The following UNC13C variants were observed in gnomAD, a reference collection of about 807,000 sequenced individuals.
The protein encoded by UNC13C is unc-13 homolog C.
In UNC13C, 174 loss-of-function variants were observed where a neutral mutation model predicts 245.4. The observed-to-expected ratio is 0.71, with a 90% confidence interval of 0.63 to 0.80. The LOEUF is 0.80. Ranked by LOEUF, UNC13C falls within the 30% of genes least tolerant of loss-of-function variation. UNC13C has a pLI of 0.00. For missense variants in UNC13C, 2,829 were observed against 2,602.9 expected (o/e 1.09, Z -1.89); for synonymous variants, 992 against 895.1 (o/e 1.11, Z -1.93).
At chr15:54,354,690 C>T (rs574520959) in intron 17 of UNC13C, among the ~76,000 whole-genome samples, 1 of 152,234 alleles carries the variant, frequency 6.6e-6, no homozygotes, top group South Asian at 2.1e-4. Flanking sequence ...GTTGTACAAA[C>T]CAAAGTAGTA....
At chr15:54,165,802 C>G (rs2033143563) in intron 4 of UNC13C, among the ~76,000 whole-genome samples, 1 of 151,812 alleles carries the variant, frequency 6.6e-6, no homozygotes, top group Non-Finnish European at 1.5e-5. Context: ...TTTTATAATT[C>G]TCTCTGCTTC....
intron 17 of UNC13C, among the ~76,000 whole-genome samples, chr15:54,380,607 T>C (rs2039702753): frequency 6.6e-6 from 1 of 151,704 alleles, no homozygotes; most frequent in Admixed American, 6.6e-5. Context: ...TCTCTTTATG[T>C]CCTAACCAAC....
intron 2 of UNC13C, among the ~76,000 whole-genome samples, chr15:54,114,579 T>C (rs1194240981): frequency 6.6e-6 from 1 of 152,174 alleles, no homozygotes; most frequent in Admixed American, 6.5e-5. Flanking sequence ...ATAGCAAAAC[T>C]TATCCATTCC....
At chr15:54,279,389 C>A (rs919421478) in intron 10 of UNC13C, among the ~76,000 whole-genome samples, 6 of 152,186 alleles carry the variant, frequency 3.9e-5, no homozygotes, top group Non-Finnish European at 7.4e-5. Context: ...TTAGTACAAT[C>A]TTCTTTGTAT....
chr15:53,879,315 C>T, the UNC13C span, among the ~76,000 whole-genome samples: 3 of 152,076 alleles, frequency 2.0e-5, no homozygotes, highest in Non-Finnish European at 2.9e-5. Context: ...GCACACACCA[C>T]CACACCAAGC....
At position 54,013,064 on chromosome 15, in the gene UNC13C, A is replaced by G. The variant is rs1566947876; in HGVS notation, c.161A>G (p.Lys54Arg). Residue 54 changes from lysine to arginine, a missense_variant, in exon 2 of 33, where the codon AAA becomes AGA. By Grantham distance (26) the Lys-to-Arg change is conservative (BLOSUM62 2). Coordinates refer to ENST00000260323, the MANE Select transcript of UNC13C (RefSeq NM_001080534.3). ...FPTAGQTKSP[K>R]FSYTFKSTVK... The stretch of plus-strand genomic sequence containing the variant: ...ACTGCTGGCCAGACCAAATCCCCCA[A>G]ATTTTCTTACACTTTTAAAAGCACT... The G allele has an allele frequency of 6.2e-7, 1 of 1,613,848 alleles. No homozygotes were observed.
intron 19 of UNC13C, among the ~76,000 whole-genome samples, chr15:54,455,229 ATATATATAT>A (rs1891440414): frequency 2.2e-5 from 2 of 90,046 alleles, no homozygotes; most frequent in Non-Finnish European, 4.7e-5. Flanking sequence ...ATATATATAT[ATATATATAT>A]GTTTTTTAAT....
At chr15:54,189,854 C>G (rs1202707963) in intron 4 of UNC13C, among the ~76,000 whole-genome samples, 2 of 151,812 alleles carry the variant, frequency 1.3e-5, no homozygotes, top group Non-Finnish European at 1.5e-5. Context: ...CACTTAATAC[C>G]CATTTTGGTA....
At chr15:54,531,164 A>G (rs975607114) in intron 25 of UNC13C, among the ~76,000 whole-genome samples, 1 of 152,162 alleles carries the variant, frequency 6.6e-6, no homozygotes, top group Non-Finnish European at 1.5e-5. Flanking sequence ...ATGGGCAGTT[A>G]AATAAAATAG....
At chr15:53,993,862 G>T (rs1025388368) in intron 1 of UNC13C, among the ~76,000 whole-genome samples, 1 of 151,980 alleles carries the variant, frequency 6.6e-6, no homozygotes, top group Non-Finnish European at 1.5e-5. Context: ...CTATGTAAGG[G>T]GAATGGACAA....
chr15:53,856,994 A>G, the UNC13C span, among the ~76,000 whole-genome samples: 20 of 152,106 alleles, frequency 1.3e-4, no homozygotes, highest in Non-Finnish European at 2.8e-4. Flanking sequence ...TAGAATAGTT[A>G]GTTCTTCCTG....
intron 2 of UNC13C, among the ~76,000 whole-genome samples, chr15:54,092,230 G>A (rs1285684030): frequency 1.3e-5 from 2 of 152,074 alleles, no homozygotes; most frequent in Non-Finnish European, 2.9e-5. Flanking sequence ...AAAATGACAA[G>A]GTATAGCATT....
the UNC13C span, among the ~76,000 whole-genome samples, chr15:53,916,082 T>G: frequency 6.6e-6 from 1 of 152,214 alleles, no homozygotes; most frequent in Non-Finnish European, 1.5e-5. Context: ...TAAAACTGTT[T>G]AAAAATGGGA....
chr15:54,566,401 G>C (rs1435206279), intron 29 of UNC13C, among the ~76,000 whole-genome samples: 1 of 152,138 alleles, frequency 6.6e-6, no homozygotes, highest in East Asian at 1.9e-4. Flanking sequence ...TAAGATCCAG[G>C]TGTAGAACAA....
At chr15:53,960,556 T>C in the UNC13C span, among the ~76,000 whole-genome samples, 1 of 151,022 alleles carries the variant, frequency 6.6e-6, no homozygotes, top group Non-Finnish European at 1.5e-5. Flanking sequence ...AAAATAAAAC[T>C]TATTATTTGG....
chr15:54,023,336 G>T (rs974123796), intron 2 of UNC13C, among the ~76,000 whole-genome samples: 5 of 152,192 alleles, frequency 3.3e-5, no homozygotes, highest in Admixed American at 1.3e-4. Flanking sequence ...TGTCATGAAA[G>T]ATTATGGCTT....
Position 54,626,734 on chromosome 15 carries a change from C to CAATGT in UNC13C, c.6360-92_6360-88dup. The CAATGT allele has an allele frequency of 2.8e-6, 3 of 1,083,644 alleles. No individual in the cohort carries two copies. The South Asian group carries it at 4.9e-5, about 18-fold the overall frequency. 67.1% of individuals were successfully genotyped at this position (1,083,644 alleles called of 1,614,324 possible). ...TATTTGCCAACATAATAATCAGATC[C>CAATGT]AATGTATACAGTTTTCAGCAGTATT... is the stretch of plus-strand genomic sequence containing the variant. On this transcript the variant is annotated intron_variant, in intron 32 of 32. Transcript: ENST00000260323.
At chr15:54,064,158 T>C (rs1014801630) in intron 2 of UNC13C, among the ~76,000 whole-genome samples, 13 of 152,146 alleles carry the variant, frequency 8.5e-5, no homozygotes, top group African/African-American at 3.1e-4. Context: ...GAAAGATACT[T>C]AACCTATAAA....
At chr15:54,398,509 GT>G (rs2040117239) in intron 18 of UNC13C, among the ~76,000 whole-genome samples, 1 of 151,222 alleles carries the variant, frequency 6.6e-6, no homozygotes, top group African/African-American at 2.4e-5. Flanking sequence ...TGCCAAAAGA[GT>G]TTTTATAAAA....
Sources: allele counts gnomAD v4.1 joint callset (sites outside exome capture counted in the v4.1 genomes callset), GRCh38; gene constraint gnomAD v4.1.1; transcripts MANE v1.5; gene names NCBI Gene and HGNC (gene_info 2026-07-23, HGNC 2026-07-21).